The following MTM1 variants were observed in gnomAD, a reference collection of about 807,000 sequenced individuals.
MTM1 encodes myotubularin.
In MTM1, 9 loss-of-function variants were observed where a neutral mutation model predicts 52.1. That is an observed-to-expected ratio of 0.17 (90% CI 0.10 to 0.30). The LOEUF is 0.30. Among genes scored for constraint, MTM1 ranks in the 10% least tolerant of loss-of-function variants. MTM1 has a pLI of 1.00. For synonymous variants in MTM1, 136 were observed against 163.8 expected (o/e 0.83, Z 1.29); for missense variants, 277 against 470.7 (o/e 0.59, Z 3.81).
intron 6 of MTM1, among the ~76,000 whole-genome samples, chrX:150,630,783 G>A (rs1325755563): frequency 1.2e-4 from 13 of 111,664 alleles, no homozygotes; most frequent in Admixed American, 6.6e-4. Context: ...CCACCCCCAC[G>A]TGTGGTGATT....
chrX:150,635,220 T>A (rs1557413684), intron 6 of MTM1, among the ~76,000 whole-genome samples: 1 of 112,534 alleles, frequency 8.9e-6, no homozygotes. Context: ...GAATCGTTCT[T>A]GAATTTTCCA....
intron 3 of MTM1, among the ~76,000 whole-genome samples, chrX:150,597,177 G>A (rs1447939247): frequency 8.9e-6 from 1 of 111,996 alleles, no homozygotes; most frequent in Non-Finnish European, 1.9e-5. Context: ...TTTTATATGT[G>A]GATTAACACC....
At chrX:150,633,680 C>CAAAA (rs11335266) in intron 6 of MTM1, among the ~76,000 whole-genome samples, 1 of 100,952 alleles carries the variant, frequency 9.9e-6, no homozygotes. Context: ...AAATCAAATT[C>CAAAA]AAAAAAAAAA....
At chrX:150,597,746 C>T (rs2039002205) in intron 3 of MTM1, among the ~76,000 whole-genome samples, 1 of 111,182 alleles carries the variant, frequency 9.0e-6, no homozygotes, top group South Asian at 3.8e-4. Flanking sequence ...TGTTTTATAT[C>T]ACTTCAGTGT....
intron 6 of MTM1, 77 bp downstream of exon 6, chrX:150,619,216 CTCTT>C: frequency 1.4e-6 from 1 of 713,857 alleles, no homozygotes; most frequent in East Asian, 3.2e-5. Flanking sequence ...AACTGGGATC[CTCTT>C]TCTTTTAATG....
At chrX:150,627,916 T>A (rs2039597713) in intron 6 of MTM1, among the ~76,000 whole-genome samples, 1 of 112,081 alleles carries the variant, frequency 8.9e-6, no homozygotes. Flanking sequence ...GTGAGTTTCG[T>A]CCACATACTA....
chrX:150,618,756 A>AT (rs1223253168), intron 5 of MTM1, among the ~76,000 whole-genome samples: 16 of 110,501 alleles, frequency 1.4e-4, no homozygotes, highest in South Asian at 7.6e-4. Context: ...GCAAGGTTTG[A>AT]TTTTTTTTTC....
At chrX:150,641,640 GCT>G (rs1174710147) in intron 8 of MTM1, among the ~76,000 whole-genome samples, 1 of 111,556 alleles carries the variant, frequency 9.0e-6, no homozygotes, top group African/African-American at 3.3e-5. Flanking sequence ...CAAGTAAAGA[GCT>G]CTCTACGAGA....
chrX:150,622,720 G>T (rs1281770778), intron 6 of MTM1, among the ~76,000 whole-genome samples: 1 of 111,690 alleles, frequency 9.0e-6, no homozygotes, highest in East Asian at 2.8e-4. Context: ...TCCAGTGAAG[G>T]ACTTCTGAGG....
chrX:150,643,501 A>T (rs1282198948), intron 8 of MTM1, among the ~76,000 whole-genome samples: 1 of 111,692 alleles, frequency 9.0e-6, no homozygotes, highest in East Asian at 2.8e-4. Flanking sequence ...ATATCCTTTC[A>T]GACTTCCTTC....
chrX:150,637,297 T>G (rs142365918), intron 6 of MTM1, among the ~76,000 whole-genome samples: 1 of 111,974 alleles, frequency 8.9e-6, no homozygotes, highest in South Asian at 3.7e-4. Context: ...TCAAAGTGAT[T>G]AGTCTGATGA....
rs373023705 is a variant in MTM1, at chrX:150,647,221, A to ATATATATATATATATATG, written c.867+1350_867+1351insTATATATATATATATATG. Among the ~76,000 whole-genome samples the ATATATATATATATATATG allele has an allele frequency of 2.5e-3, 258 of 101,566 alleles. 6 individuals carry two copies. Among genetic ancestry groups the ATATATATATATATATATG allele is most frequent in the African/African-American group, 9.1e-3 (234 of 25,781 alleles). 88.2% of individuals were successfully genotyped at this position (101,566 alleles called of 115,157 possible). A position where few individuals can be genotyped will look rare whatever the true frequency, so the allele number is the denominator to read the frequency against. ...TATATATATATATATATATATATAT[A>ATATATATATATATATATG]GCAATATTTTCATGTACATATTTAG... On this transcript the variant is annotated intron_variant, in intron 9 of 14. Transcript: ENST00000370396.
At chrX:150,642,082 T>TG (rs1557413867) in intron 8 of MTM1, among the ~76,000 whole-genome samples, 2 of 95,187 alleles carry the variant, frequency 2.1e-5, no homozygotes, top group African/African-American at 7.0e-5. Context: ...ATAAGTACCT[T>TG]GGGGTTTTTT....
intron 5 of MTM1, 26 bp downstream of exon 5, chrX:150,614,725 C>A: frequency 2.3e-6 from 2 of 858,408 alleles, no homozygotes; most frequent in Non-Finnish European, 3.5e-6. Context: ...CTTTCTTATG[C>A]AAAGAACAAG....
chrX:150,634,099 A>G (rs2039716782), intron 6 of MTM1, among the ~76,000 whole-genome samples: 1 of 112,637 alleles, frequency 8.9e-6, no homozygotes, highest in South Asian at 3.6e-4. Context: ...ATTTGGAGAC[A>G]TAGGTCATTA....
intron 4 of MTM1, among the ~76,000 whole-genome samples, chrX:150,611,027 C>T (rs782299597): frequency 1.3e-3 from 149 of 111,702 alleles, no homozygotes; most frequent in Non-Finnish European, 2.4e-3. Context: ...TGCACTGTAT[C>T]GATAAGTAAA....
chrX:150,625,418 T>G (rs1380172450), intron 6 of MTM1, among the ~76,000 whole-genome samples: 2 of 111,531 alleles, frequency 1.8e-5, no homozygotes, highest in Non-Finnish European at 3.8e-5. Flanking sequence ...TGATAACATG[T>G]GGGGCACTTT....
chrX:150,589,022 G>A (rs2038838459), intron 1 of MTM1, among the ~76,000 whole-genome samples: 2 of 111,977 alleles, frequency 1.8e-5, no homozygotes, highest in South Asian at 7.4e-4. Flanking sequence ...TGTTACAGGT[G>A]CTGTAAATAA....
At chrX:150,628,701 G>A (rs1376509299) in intron 6 of MTM1, among the ~76,000 whole-genome samples, 1 of 108,891 alleles carries the variant, frequency 9.2e-6, no homozygotes, top group Non-Finnish European at 1.9e-5. Flanking sequence ...TCGAAATCAA[G>A]GCCATCAGAG....
Sources: allele counts gnomAD v4.1 joint callset (sites outside exome capture counted in the v4.1 genomes callset), GRCh38; gene constraint gnomAD v4.1.1; transcripts MANE v1.5; gene names NCBI Gene and HGNC (gene_info 2026-07-23, HGNC 2026-07-21).